The following DNAH6 variants were observed in gnomAD, a reference collection of about 807,000 sequenced individuals.
DNAH6 encodes the protein dynein axonemal heavy chain 6.
DNAH6 carries 340 observed loss-of-function variants against 491.4 expected under a neutral mutation model. The ratio of observed to expected loss-of-function variants is 0.69; its 90% CI spans 0.63 to 0.76. DNAH6 has a LOEUF of 0.76. Ranked by LOEUF, DNAH6 falls within the 30% of genes least tolerant of loss-of-function variation. The pLI is 0.00. For synonymous variants in DNAH6, 1,603 were observed against 1,686.1 expected (o/e 0.95, Z 1.21); for missense variants, 4,443 against 4,972.2 (o/e 0.89, Z 3.20).
chr2:84,617,241 G>A (rs1030446293), intron 23 of DNAH6, among the ~76,000 whole-genome samples: 1 of 151,986 alleles, frequency 6.6e-6, no homozygotes, highest in Non-Finnish European at 1.5e-5. Context: ...TATATTGTAG[G>A]TGTGTTATGG....
chr2:84,632,413 C>T (rs1160596533), intron 29 of DNAH6, among the ~76,000 whole-genome samples: 1 of 152,174 alleles, frequency 6.6e-6, no homozygotes, highest in East Asian at 1.9e-4. Flanking sequence ...GAAAGAGGGT[C>T]ATTTTTGAAG....
chr2:84,666,767 C>A (rs1692170309), intron 37 of DNAH6, among the ~76,000 whole-genome samples: 1 of 152,212 alleles, frequency 6.6e-6, no homozygotes, highest in African/African-American at 2.4e-5. Context: ...TCATATGGAA[C>A]CAAAAAAGAG....
chr2:84,676,231 C>A (rs965945357), intron 40 of DNAH6, among the ~76,000 whole-genome samples: 16 of 152,210 alleles, frequency 1.1e-4, no homozygotes, highest in Non-Finnish European at 2.2e-4. Flanking sequence ...TGGAACAAGA[C>A]AACACTCTGC....
intron 20 of DNAH6, among the ~76,000 whole-genome samples, chr2:84,606,495 G>A (rs527839456): frequency 6.6e-6 from 1 of 152,226 alleles, no homozygotes; most frequent in East Asian, 1.9e-4. Context: ...GGGAGGTGGA[G>A]GAGAAACTGT....
chr2:84,540,709 A>T lies in DNAH6; in HGVS notation c.663-3524A>T, dbSNP rs181358522. Among the ~76,000 whole-genome samples the T allele has an allele frequency of 1.8e-4, 28 of 152,300 alleles. No individual in the cohort carries two copies. The East Asian group carries it at 5.2e-3, about 28-fold the overall frequency. On this transcript the variant is annotated intron_variant, in intron 4 of 76. Transcript: ENST00000389394. ...TGTGGTTATCTCAAATGGGACACAC[A>T]TACTTTTAGAAGTTAATAGAAGTCT...
At chr2:84,730,497 G>A (rs1699034253) in intron 61 of DNAH6, among the ~76,000 whole-genome samples, 2 of 152,062 alleles carry the variant, frequency 1.3e-5, no homozygotes, top group African/African-American at 4.8e-5. Context: ...ATTGGAAGAA[G>A]ACTTGTCTTG....
chr2:84,816,860 C>G (rs1305608128), intron 76 of DNAH6, among the ~76,000 whole-genome samples: 1 of 152,082 alleles, frequency 6.6e-6, no homozygotes, highest in Non-Finnish European at 1.5e-5. Flanking sequence ...CAAGGGACAG[C>G]TGAAGAATGA....
chr2:84,530,675 C>T (rs940033095), intron 4 of DNAH6, among the ~76,000 whole-genome samples: 4 of 152,000 alleles, frequency 2.6e-5, no homozygotes, highest in African/African-American at 9.7e-5. Flanking sequence ...AATTGAAGGC[C>T]GTAGTTACTC....
At chr2:84,471,648 C>A in the DNAH6 span, among the ~76,000 whole-genome samples, 1 of 152,144 alleles carries the variant, frequency 6.6e-6, no homozygotes, top group South Asian at 2.1e-4. Context: ...ATGGTTGGAT[C>A]CATGGGTCCC....
chr2:84,730,926 A>C (rs953138069), intron 61 of DNAH6, among the ~76,000 whole-genome samples: 1 of 152,234 alleles, frequency 6.6e-6, no homozygotes, highest in Non-Finnish European at 1.5e-5. Context: ...GGATTTATCT[A>C]GGATCAAGAT....
intron 11 of DNAH6, 97 bp from the exon 12 acceptor site, chr2:84,573,370 G>A (rs1218163784): frequency 2.9e-6 from 3 of 1,026,132 alleles, no homozygotes; most frequent in Middle Eastern, 4.8e-4. Context: ...TGGGCATAGA[G>A]TTTGTGTGCT....
the DNAH6 span, among the ~76,000 whole-genome samples, chr2:84,482,678 G>A: frequency 6.6e-6 from 1 of 152,230 alleles, no homozygotes; most frequent in African/African-American, 2.4e-5. Flanking sequence ...GTAGCCCCTT[G>A]GGGCAGACGT....
Position 84,670,706 on chromosome 2 carries a change from C to T in DNAH6, c.6454+231C>T, listed in dbSNP as rs897354708. ...AACTCAGAACATCTTCAATCTCTGC[C>T]TCTCCATGGCTCTCCCTCTCTCCAC... On this transcript the variant is annotated intron_variant, in intron 39 of 76. Coordinates refer to ENST00000389394, the MANE Select transcript of DNAH6 (RefSeq NM_001370.2). Among the ~76,000 whole-genome samples the T allele has an allele frequency of 5.9e-5, 9 of 152,212 alleles. No homozygotes were observed. The South Asian group carries it at 6.2e-4, about 11-fold the overall frequency.
the DNAH6 span, among the ~76,000 whole-genome samples, chr2:84,469,877 G>C: frequency 2.0e-5 from 3 of 152,230 alleles, no homozygotes; most frequent in South Asian, 6.2e-4. The surrounding 1 kb of genome is among the most constrained non-coding windows in gnomAD (Gnocchi z 4.0). Flanking sequence ...ACCAAATGGG[G>C]CCTCTAACCC....
chr2:84,523,870 T>C (rs1009353852), intron 2 of DNAH6, among the ~76,000 whole-genome samples: 10 of 151,950 alleles, frequency 6.6e-5, no homozygotes, highest in Admixed American at 2.6e-4. Flanking sequence ...GTTTTATGTC[T>C]GATCATGTGG....
Position 84,699,583 on chromosome 2 carries a change from C to G in DNAH6, c.7678-11C>G, listed in dbSNP as rs1203387169. ...TATTTTAAACTGAAAAAATAACTTT[C>G]TTTTTGTCAGGTGTTTCAATACTTT... On this transcript the variant is annotated splice_polypyrimidine_tract_variant and intron_variant, in intron 47 of 76. Transcript: ENST00000389394. The G allele has an allele frequency of 6.5e-7, 1 of 1,543,680 alleles. No homozygotes were observed. The highest frequency in any genetic ancestry group is 1.7e-4 in the Middle Eastern group (1 of 5,944).
Position 84,547,254 on chromosome 2 carries a change from C to A in DNAH6, c.931-14C>A, listed in dbSNP as rs543025934. 6.3e-5 allele frequency: 95 copies of A among 1,506,550 alleles called. No individual in the cohort carries two copies. The Admixed American group carries it at 1.4e-3, about 22-fold the overall frequency. 93.3% of individuals were successfully genotyped at this position (1,506,550 alleles called of 1,614,324 possible). ...AATATTTTTACTAAATAATAAATTC[C>A]TATTTTCATTCAGCATTTGCGACCA... On this transcript the variant is annotated splice_polypyrimidine_tract_variant and intron_variant, in intron 5 of 76. Transcript: ENST00000389394.
Position 84,621,338 on chromosome 2 carries a change from G to A in DNAH6, c.3940G>A (p.Ala1314Thr). 6.4e-7 allele frequency: 1 copy of A among 1,551,512 alleles called. No individual in the cohort carries two copies. The highest frequency in any genetic ancestry group is 8.7e-7 in the Non-Finnish European group (1 of 1,146,844). The stretch of plus-strand genomic sequence containing the variant: ...GAAACTGAGGACAGACTGGGTGGTT[G>A]CTGGCCACCCTTCTCAAGTAACTCA... The part of the protein sequence containing the change: ...QGKLRTDWVV[A>T]GHPSQVILTV... Residue 1314 changes from alanine (A) to threonine (T), a missense_variant, in exon 25 of 77, where the codon GCT becomes ACT. Physicochemically the swap from Ala to Thr is moderately conservative, Grantham distance 58. Coordinates refer to ENST00000389394, the MANE Select transcript of DNAH6 (RefSeq NM_001370.2).
chr2:84,581,623 A>G (rs1296741283), intron 14 of DNAH6, among the ~76,000 whole-genome samples: 1 of 152,192 alleles, frequency 6.6e-6, no homozygotes, highest in Non-Finnish European at 1.5e-5. Context: ...AGGGAGAGGG[A>G]AAGCCATGTG....
Sources: allele counts gnomAD v4.1 joint callset (sites outside exome capture counted in the v4.1 genomes callset), GRCh38; gene constraint gnomAD v4.1.1; non-coding constraint Gnocchi (gnomAD v3.1); transcripts MANE v1.5; gene names NCBI Gene and HGNC (gene_info 2026-07-23, HGNC 2026-07-21).